Variants in PHLDB1 observed in about 807,000 individuals in gnomAD.
PHLDB1 encodes the protein pleckstrin homology like domain family B member 1, also known as pleckstrin homology-like domain family B member 1.
PHLDB1 carries 65 observed loss-of-function variants against 139.3 expected under a neutral mutation model. The observed-to-expected ratio is 0.47, with a 90% CI of 0.38 to 0.57. PHLDB1 has a LOEUF of 0.57. Among genes scored for constraint, PHLDB1 ranks in the 20% least tolerant of loss-of-function variants. The pLI is 0.00. For missense variants in PHLDB1, 1,624 were observed against 1,839.7 expected (o/e 0.88, Z 2.14); for synonymous variants, 679 against 734.5 (o/e 0.92, Z 1.22).
chr11:118,644,016 G>A (rs781828899), intron 14 of PHLDB1, 56 bp from the exon 15 acceptor site: 4 of 1,604,508 alleles, frequency 2.5e-6, no homozygotes, highest in Non-Finnish European at 3.4e-6. Flanking sequence ...CCAAGACCTT[G>A]GGAATGGGGG....
intron 9 of PHLDB1, chr11:118,635,107 A>G: frequency 3.7e-6 from 2 of 536,452 alleles, no homozygotes; most frequent in Non-Finnish European, 7.0e-6. Flanking sequence ...CAGAAGGAAG[A>G]GAGGAGAGCG....
At chr11:118,616,467 T>TG (rs1941666218) in intron 4 of PHLDB1, among the ~76,000 whole-genome samples, 1 of 152,162 alleles carries the variant, frequency 6.6e-6, no homozygotes, top group African/African-American at 2.4e-5. Flanking sequence ...GAAGAGGTTC[T>TG]GATTCCCGCC....
chr11:118,625,905 CT>C (rs1314714131), intron 5 of PHLDB1, among the ~76,000 whole-genome samples: 1 of 152,222 alleles, frequency 6.6e-6, no homozygotes, highest in African/African-American at 2.4e-5. Context: ...TACCCTCGAT[CT>C]TTTCCAGTCC....
chr11:118,642,232 C>T (rs782396117), intron 12 of PHLDB1, 22 bp from the exon 13 acceptor site: 3 of 1,609,382 alleles, frequency 1.9e-6, no homozygotes, highest in South Asian at 2.2e-5. Context: ...TCCCCTTTTC[C>T]CCTCCCCATT....
In PHLDB1 at chr11:118,627,931, G is replaced by C; in HGVS notation, c.1108G>C (p.Gly370Arg). 3.1e-6 allele frequency: 5 copies of C among 1,612,922 alleles called. No homozygotes were observed. The highest frequency in any genetic ancestry group is 3.4e-6 in the Non-Finnish European group (4 of 1,179,994). ...CAGCCTGAGTGAATACCCAGCTTCTGGTGCTCTCAGTCAACCCACCAGCAT... is the reference window on the plus strand; with the variant it reads ...CAGCCTGAGTGAATACCCAGCTTCTCGTGCTCTCAGTCAACCCACCAGCAT... Reference protein sequence around the residue: ...AISLSEYPASGALSQPTSIPG... With the variant: ...AISLSEYPASRALSQPTSIPG... Residue 370 changes from glycine to arginine, a missense_variant, in exon 6 of 23, where the codon GGT becomes CGT. Physicochemically the swap from Gly to Arg is moderately radical, Grantham distance 125. Coordinates refer to ENST00000600882, the MANE Select transcript of PHLDB1 (RefSeq NM_001144758.3).
In PHLDB1 at chr11:118,610,603, G is replaced by A. The variant is rs1247975041; in HGVS notation, c.-22+2904G>A. The A allele has an allele frequency of 6.5e-6, 3 of 462,292 alleles. No homozygotes were observed. The highest frequency in any genetic ancestry group is 8.5e-6 in the Non-Finnish European group (3 of 351,492). The allele number at this position is 462,292 out of a possible 1,614,324, so 28.6% of individuals were successfully genotyped here. On this transcript the variant is annotated intron_variant, in intron 1 of 22. Coordinates refer to ENST00000600882, the MANE Select transcript of PHLDB1 (RefSeq NM_001144758.3). The surrounding 1 kb of genome is among the most constrained non-coding windows in gnomAD (Gnocchi z 8.7). The stretch of plus-strand genomic sequence containing the variant: ...GCGAAGGGCCGGGTCTGGTGCTCTG[G>A]GGCTGGCTTTGGACCTCTCGTCCTG...
In PHLDB1 at chr11:118,644,101, C is replaced by T. The variant is rs200921213; in HGVS notation, c.3048C>T (p.Gly1016=). 7 of 1,613,970 alleles carry T rather than the reference C, an allele frequency of 4.3e-6. No individual in the cohort carries two copies. The East Asian group carries it at 1.1e-4, about 26-fold the overall frequency. ...CTCTACTCACCCAGAATGGCACGGG[C>T]AGCCTTCCTCGCAACCTGGCAGCCA... ...KSALLTQNGT[G]SLPRNLAATL... Residue 1016 remains glycine, a synonymous_variant, in exon 15 of 23, where the codon GGC becomes GGT. Transcript: ENST00000600882.
At position 118,632,224 on chromosome 11, in the gene PHLDB1, G is replaced by A. The variant is rs1555111873; in HGVS notation, c.2307G>A (p.Glu769=). ...REAERALLQK[E]QKAVDQLQEK... ...CAGAGCGGGCACTGCTGCAGAAGGA[G>A]CAGAAGGCAGTGGATCAGCTGCAGG... The change falls in exon 9 of 23, where the codon GAG becomes GAA. Residue 769 remains glutamate, a synonymous_variant. Transcript: ENST00000600882. The surrounding 1 kb of genome is among the most constrained non-coding windows in gnomAD (Gnocchi z 5.9). 1 of 1,614,100 alleles carries A rather than the reference G, an allele frequency of 6.2e-7. No homozygotes were observed. The highest frequency in any genetic ancestry group is 1.1e-5 in the South Asian group (1 of 91,076).
At chr11:118,614,037 C>T (rs1941064098) in intron 2 of PHLDB1, 141 bp downstream of exon 2, 34 of 627,424 alleles carry the variant, frequency 5.4e-5, no homozygotes, top group South Asian at 4.4e-4. Flanking sequence ...AGCCTATTAA[C>T]AGCTCAGTCT....
At chr11:118,623,948 G>A in intron 4 of PHLDB1, 1 of 152,660 alleles carries the variant, frequency 6.6e-6, no homozygotes, top group Non-Finnish European at 1.5e-5. Flanking sequence ...TGCCCAGGCT[G>A]GAGTGCAGTG....
At chr11:118,614,470 G>C in intron 2 of PHLDB1, 89 bp from the exon 3 acceptor site, 1 of 1,448,284 alleles carries the variant, frequency 6.9e-7, no homozygotes, top group Non-Finnish European at 9.5e-7. Context: ...GGAGAGGGGC[G>C]AGGGCTGGAG....
intron 13 of PHLDB1, 141 bp downstream of exon 13, chr11:118,642,535 T>A: frequency 1.0e-6 from 1 of 986,132 alleles, no homozygotes; most frequent in Non-Finnish European, 1.5e-6. Context: ...CTCTGGGCCC[T>A]GAGAGGGTCA....
In PHLDB1 at chr11:118,628,392, G is replaced by T. The variant is rs782633308; in HGVS notation, c.1569G>T (p.Leu523=). The part of the protein sequence containing the change: ...GRRTRSPSPT[L]GESLAPHKGS... ...GGACACGGAGCCCCTCACCCACACTGGGTGAGTCTCTGGCACCCCACAAGG... is the reference window on the plus strand; with the variant it reads ...GGACACGGAGCCCCTCACCCACACTTGGTGAGTCTCTGGCACCCCACAAGG... The change falls in exon 6 of 23, where the codon CTG becomes CTT. Residue 523 remains leucine (L), a synonymous_variant. Transcript: ENST00000600882. The T allele has an allele frequency of 6.2e-7, 1 of 1,610,934 alleles. No homozygotes were observed. Among genetic ancestry groups the T allele is most frequent in the South Asian group, 1.1e-5 (1 of 90,872 alleles).
rs1341885505 is a variant in PHLDB1 at position 118,650,795 on chromosome 11, C to T, written c.3874+248C>T. ...AGTAAGTTCTAGGCACTGTTCTAGG[C>T]TCTGGTGATGAGTAAGATGGCCACA... On this transcript the variant is annotated intron_variant, in intron 20 of 22. Transcript: ENST00000600882. This position sits in a 1 kb window ranked among gnomAD's most constrained non-coding sequence, Gnocchi z 4.7. 2 of 528,954 alleles carry T rather than the reference C, an allele frequency of 3.8e-6. No individual in the cohort carries two copies. Among genetic ancestry groups the T allele is most frequent in the East Asian group, 3.3e-5 (1 of 30,402 alleles). 32.8% of individuals were successfully genotyped at this position (528,954 alleles called of 1,614,324 possible).
chr11:118,632,114 G>T lies in PHLDB1; in HGVS notation c.2242-45G>T. The T allele has an allele frequency of 6.2e-7, 1 of 1,613,806 alleles. No homozygotes were observed. The highest frequency in any genetic ancestry group is 8.5e-7 in the Non-Finnish European group (1 of 1,179,776). ...GGCCAACTGAAGGCCCCAGAGAGGGGCCACAGTCAGCTGCTTTGATGGGGA... is the reference window on the plus strand; with the variant it reads ...GGCCAACTGAAGGCCCCAGAGAGGGTCCACAGTCAGCTGCTTTGATGGGGA... On this transcript the variant is annotated intron_variant, in intron 8 of 22. Coordinates refer to ENST00000600882, the MANE Select transcript of PHLDB1 (RefSeq NM_001144758.3). The surrounding 1 kb of genome is among the most constrained non-coding windows in gnomAD (Gnocchi z 5.9).
intron 20 of PHLDB1, chr11:118,654,239 TCCCTTGACAGGGA>T (rs1161458322): frequency 6.6e-6 from 1 of 152,278 alleles, no homozygotes; most frequent in East Asian, 1.9e-4. Context: ...CCCTGTGCTT[TCCCTTGACAGGGA>T]TCCTGCCCCT....
chr11:118,638,999 A>G lies in PHLDB1; in HGVS notation c.2644A>G (p.Lys882Glu), dbSNP rs1946087794. 6.2e-7 allele frequency: 1 copy of G among 1,612,210 alleles called. No individual in the cohort carries two copies. Among genetic ancestry groups the G allele is most frequent in the Non-Finnish European group, 8.5e-7 (1 of 1,178,578 alleles). The change falls in exon 11 of 23, where the codon AAG (lysine) becomes GAG (glutamate). Residue 882 changes from lysine (K) to glutamate (E), a missense_variant and splice_region_variant. Lys to Glu is a moderately conservative substitution (Grantham distance 56, BLOSUM62 1). Transcript: ENST00000600882. ...GAATGCCTCCTTACAGCTGCTGCAAAAGGTAGGGTCCCTGAGGTTGGGCCG... is the reference window on the plus strand; with the variant it reads ...GAATGCCTCCTTACAGCTGCTGCAAGAGGTAGGGTCCCTGAGGTTGGGCCG... ...DKNASLQLLQ[K>E]EKEKLTVLER... is the part of the protein sequence containing the mutation.
intron 7 of PHLDB1, among the ~76,000 whole-genome samples, 175 bp from the exon 8 acceptor site, chr11:118,631,738 G>A (rs1015131602): frequency 2.0e-5 from 3 of 151,924 alleles, no homozygotes; most frequent in Admixed American, 6.6e-5. Context: ...ATTCTCTTCC[G>A]CAGAGCCCTT....
At chr11:118,625,446 T>C (rs539992642) in intron 5 of PHLDB1, among the ~76,000 whole-genome samples, 1 of 152,284 alleles carries the variant, frequency 6.6e-6, no homozygotes, top group East Asian at 1.9e-4. Flanking sequence ...GTGGTGGGGA[T>C]CATGTCCTTG....
Sources: allele counts gnomAD v4.1 joint callset (sites outside exome capture counted in the v4.1 genomes callset), GRCh38; gene constraint gnomAD v4.1.1; non-coding constraint Gnocchi (gnomAD v3.1); transcripts MANE v1.5; gene names NCBI Gene and HGNC (gene_info 2026-07-23, HGNC 2026-07-21).